Variants in ARIH2 observed in about 807,000 individuals in gnomAD.
ARIH2 encodes ariadne RBR E3 ubiquitin protein ligase 2.
A neutral mutation model predicts 79.8 loss-of-function variants in ARIH2; 12 were observed. The observed-to-expected ratio is 0.15, with a 90% CI of 0.10 to 0.24. The LOEUF (loss-of-function observed/expected upper bound fraction) is 0.24, where lower values mean the gene tolerates loss of function less well. Among genes scored for constraint, ARIH2 ranks in the 10% least tolerant of loss-of-function variants. ARIH2 has a pLI of 1.00. For missense variants in ARIH2, 301 were observed against 618.3 expected (o/e 0.49, Z 5.44); for synonymous variants, 224 against 213.9 (o/e 1.05, Z -0.41).
intron 4 of ARIH2, among the ~76,000 whole-genome samples, chr3:48,963,576 ACT>A (rs1214738742): frequency 6.6e-6 from 1 of 152,092 alleles, no homozygotes; most frequent in African/African-American, 2.4e-5. Flanking sequence ...ATTGTAGGTA[ACT>A]CTTACTGTCA....
At chr3:48,965,021 C>G (rs2091633266) in intron 5 of ARIH2, 39 bp downstream of exon 5, 6 of 1,586,212 alleles carry the variant, frequency 3.8e-6, no homozygotes, top group Non-Finnish European at 5.2e-6. Flanking sequence ...CTCCTAATTG[C>G]ATGTGGTTCT....
At chr3:48,940,718 C>T (rs534080070) in intron 3 of ARIH2, among the ~76,000 whole-genome samples, 17 of 147,694 alleles carry the variant, frequency 1.2e-4, no homozygotes, top group African/African-American at 4.3e-4. Flanking sequence ...TTGCTTGAAC[C>T]TGGGAGGCAG....
intron 3 of ARIH2, chr3:48,945,260 CTA>C: frequency 8.1e-7 from 1 of 1,229,438 alleles, no homozygotes; most frequent in Admixed American, 2.3e-5. Context: ...TATTTGCAAG[CTA>C]TGTTGTTAAC....
chr3:48,921,544 C>G (rs929452572), intron 1 of ARIH2: 1 of 151,364 alleles, frequency 6.6e-6, no homozygotes, highest in Non-Finnish European at 1.5e-5. Flanking sequence ...AGCAATTCTC[C>G]TGCCGTAGCC....
Position 48,967,290 on chromosome 3 carries a change from A to T in ARIH2, c.538+15A>T, listed in dbSNP as rs6446196. On this transcript the variant is annotated intron_variant, in intron 6 of 15. Transcript: ENST00000356401. ...CGTGGGCGTGGGTGAGTCTGCCACA[A>T]AACTTATAAAAAGCTGGCATGAAGT... 6.2e-7 allele frequency: 1 copy of T among 1,611,320 alleles called. No individual in the cohort carries two copies. The highest frequency in any genetic ancestry group is 1.1e-5 in the South Asian group (1 of 90,882).
At position 48,981,847 on chromosome 3, in the gene ARIH2, A is replaced by G. The variant is rs375062814; in HGVS notation, c.1326+119A>G. ...TCATTGGGAGGGCAAAGTTAAAACAAAACTCTAATTGCAAAATTCCACTTC... is the reference window on the plus strand; with the variant it reads ...TCATTGGGAGGGCAAAGTTAAAACAGAACTCTAATTGCAAAATTCCACTTC... On this transcript the variant is annotated intron_variant, in intron 14 of 15. Coordinates refer to ENST00000356401, the MANE Select transcript of ARIH2 (RefSeq NM_006321.4). 65 of 734,904 alleles carry G rather than the reference A, an allele frequency of 8.8e-5. No individual in the cohort carries two copies. In the East Asian group the frequency reaches 1.1e-3, roughly 13 times the overall value. The allele number at this position is 734,904 out of a possible 1,614,324, so 45.5% of individuals were successfully genotyped here.
At chr3:48,936,230 A>C (rs1323936827) in intron 3 of ARIH2, among the ~76,000 whole-genome samples, 1 of 151,366 alleles carries the variant, frequency 6.6e-6, no homozygotes, top group Non-Finnish European at 1.5e-5. Flanking sequence ...TTGCTGCTCT[A>C]GGAAAAATTT....
intron 1 of ARIH2, chr3:48,921,624 A>T (rs1329765670): frequency 1.3e-5 from 2 of 151,382 alleles, no homozygotes; most frequent in Non-Finnish European, 2.9e-5. Flanking sequence ...TGTAGCAGTG[A>T]GGTTTCACCA....
intron 11 of ARIH2, among the ~76,000 whole-genome samples, chr3:48,977,924 A>G (rs2092594494): frequency 6.6e-6 from 1 of 152,130 alleles, no homozygotes; most frequent in South Asian, 2.1e-4. Flanking sequence ...TTTTTGGGGA[A>G]GTCAGTAAGC....
At chr3:48,981,016 CAAAA>C (rs34533467) in intron 13 of ARIH2, among the ~76,000 whole-genome samples, 3 of 30,136 alleles carry the variant, frequency 1.0e-4, no homozygotes, top group Non-Finnish European at 1.7e-4. Context: ...GCAAGACTGT[CAAAA>C]AAAAAAAAAA....
At chr3:48,937,899 T>C (rs1386303204) in intron 3 of ARIH2, among the ~76,000 whole-genome samples, 1 of 151,888 alleles carries the variant, frequency 6.6e-6, no homozygotes, top group Non-Finnish European at 1.5e-5. Flanking sequence ...TACAAAAAAT[T>C]AGCCGGTCGT....
At chr3:48,953,704 T>C (rs2090253450) in intron 3 of ARIH2, among the ~76,000 whole-genome samples, 1 of 148,322 alleles carries the variant, frequency 6.7e-6, no homozygotes, top group Non-Finnish European at 1.5e-5. Context: ...CCAGCCATTA[T>C]TCATTTTCTT....
chr3:48,958,881 G>A (rs994649541), intron 3 of ARIH2, among the ~76,000 whole-genome samples: 31 of 152,080 alleles, frequency 2.0e-4, no homozygotes, highest in Non-Finnish European at 4.3e-4. Flanking sequence ...TGGACATGGT[G>A]TCTTGCACCT....
chr3:48,983,117 C>A, intron 15 of ARIH2, 82 bp from the exon 16 acceptor site: 1 of 1,551,826 alleles, frequency 6.4e-7, no homozygotes, highest in Non-Finnish European at 8.9e-7. Flanking sequence ...CCTTGGAGGT[C>A]CTGGAGGGTG....
At chr3:48,924,190 T>A (rs2085243587) in intron 2 of ARIH2, among the ~76,000 whole-genome samples, 1 of 152,026 alleles carries the variant, frequency 6.6e-6, no homozygotes, top group Non-Finnish European at 1.5e-5. Flanking sequence ...GACGTGAGTG[T>A]CACTATGTTA....
chr3:48,955,919 C>T (rs2090516383), intron 3 of ARIH2, among the ~76,000 whole-genome samples: 1 of 152,154 alleles, frequency 6.6e-6, no homozygotes, highest in Admixed American at 6.5e-5. Context: ...CATTTTCTCA[C>T]TGTTTTTCTC....
At chr3:48,932,574 A>C (rs891958214) in intron 3 of ARIH2, among the ~76,000 whole-genome samples, 6 of 152,170 alleles carry the variant, frequency 3.9e-5, no homozygotes, top group African/African-American at 1.4e-4. Flanking sequence ...TTACCATTCC[A>C]TGGAACTCTT....
At chr3:48,928,156 A>G (rs1031655659) in intron 3 of ARIH2, among the ~76,000 whole-genome samples, 27 of 152,238 alleles carry the variant, frequency 1.8e-4, no homozygotes, top group African/African-American at 6.3e-4. Context: ...TACAATAAGC[A>G]TCAGAATCAC....
chr3:48,976,027 C>T (rs1335668943), intron 11 of ARIH2, among the ~76,000 whole-genome samples: 2 of 152,208 alleles, frequency 1.3e-5, no homozygotes, highest in Middle Eastern at 6.8e-3. Context: ...TCTCCCACTT[C>T]AGCCTCCTGA....
Sources: allele counts gnomAD v4.1 joint callset (sites outside exome capture counted in the v4.1 genomes callset), GRCh38; gene constraint gnomAD v4.1.1; transcripts MANE v1.5; gene names NCBI Gene and HGNC (gene_info 2026-07-23, HGNC 2026-07-21).